SLX4IP: variants seen among roughly 807,000 people sequenced by gnomAD.
SLX4IP encodes SLX4 interacting protein.
Under a neutral mutation model 32.9 loss-of-function variants are expected in SLX4IP, and 34 were observed. The observed-to-expected ratio is 1.03, with a 90% CI of 0.79 to 1.38. The LOEUF (loss-of-function observed/expected upper bound fraction) is 1.38, where lower values mean the gene tolerates loss of function less well. Ranked by LOEUF, SLX4IP falls within the 40% of genes most tolerant of loss-of-function variation. The pLI is 0.00. For missense variants in SLX4IP, 444 were observed against 479.0 expected (o/e 0.93, Z 0.68); for synonymous variants, 172 against 171.7 (o/e 1.00, Z -0.01).
At chr20:10,547,805 TA>T (rs2066177500) in intron 2 of SLX4IP, among the ~76,000 whole-genome samples, 1 of 152,162 alleles carries the variant, frequency 6.6e-6, no homozygotes, top group Non-Finnish European at 1.5e-5. Flanking sequence ...TGTTTTCACT[TA>T]ACAAACACTC....
Position 10,624,132 on chromosome 20 carries a change from A to G in SLX4IP, c.*753A>G, listed in dbSNP as rs1328062041. 1 of 152,214 alleles carries G rather than the reference A, an allele frequency of 6.6e-6. No individual in the cohort carries two copies. Among genetic ancestry groups the G allele is most frequent in the East Asian group, 1.9e-4 (1 of 5,188 alleles). 9.4% of individuals were successfully genotyped at this position (152,214 alleles called of 1,614,324 possible). On this transcript the variant is annotated 3_prime_UTR_variant, in exon 8 of 8. Transcript: ENST00000334534. ...GTCACTCTCTTCCGGGTTCTACAGTATGGCAGCCATGGCACCCATGAAGGT... is the reference window on the plus strand; with the variant it reads ...GTCACTCTCTTCCGGGTTCTACAGTGTGGCAGCCATGGCACCCATGAAGGT...
chr20:10,620,786 ACCT>A (rs1395744533), intron 6 of SLX4IP, among the ~76,000 whole-genome samples: 1 of 152,118 alleles, frequency 6.6e-6, no homozygotes, highest in Admixed American at 6.5e-5. Context: ...CGATCTCCTG[ACCT>A]CGTGATCTGG....
chr20:10,604,817 G>A (rs1035789960), intron 6 of SLX4IP, among the ~76,000 whole-genome samples: 100 of 152,230 alleles, frequency 6.6e-4, no homozygotes, highest in African/African-American at 2.3e-3. Flanking sequence ...TATGAAATGA[G>A]TCATTGTATT....
At chr20:10,621,223 A>G (rs1170664388) in intron 6 of SLX4IP, 91 bp from the exon 7 acceptor site, 3 of 1,130,676 alleles carry the variant, frequency 2.7e-6, no homozygotes, top group African/African-American at 1.5e-5. Context: ...ACAAAAATAA[A>G]TGTGTTCATT....
chr20:10,584,487 T>G (rs1238497142), intron 4 of SLX4IP, among the ~76,000 whole-genome samples: 5 of 152,246 alleles, frequency 3.3e-5, no homozygotes, highest in African/African-American at 1.2e-4. Flanking sequence ...CTCTCACTAC[T>G]AATTTCATTA....
chr20:10,503,038 T>C (rs2065732422), intron 2 of SLX4IP, among the ~76,000 whole-genome samples: 1 of 152,194 alleles, frequency 6.6e-6, no homozygotes, highest in Non-Finnish European at 1.5e-5. Context: ...GTTCCTCCTC[T>C]AGTTGTAGTG....
chr20:10,623,156 C>T lies in SLX4IP; in HGVS notation c.1004C>T (p.Pro335Leu). The T allele has an allele frequency of 3.1e-6, 5 of 1,614,178 alleles. No homozygotes were observed. Among genetic ancestry groups the T allele is most frequent in the Non-Finnish European group, 4.2e-6 (5 of 1,180,030 alleles). The change falls in exon 8 of 8, where the codon CCA becomes CTA. Residue 335 changes from proline to leucine, a missense_variant. Transcript: ENST00000334534. ...AAAAGCAAAGCTGTCAGGGTTTTGC[C>T]AGCTTCAGAGTTGTCAGATCCAGGG... is the stretch of plus-strand genomic sequence containing the variant. ...VEKSKAVRVL[P>L]ASELSDPGLL...
Position 10,527,653 on chromosome 20 carries a change from T to TG in SLX4IP, c.28-28574dup, listed in dbSNP as rs1298917249. 4.6e-5 allele frequency among the ~76,000 whole-genome samples: 7 copies of TG among 152,322 alleles called. No homozygotes were observed. In the East Asian group the frequency reaches 1.3e-3, roughly 29 times the overall value. On this transcript the variant is annotated intron_variant, in intron 2 of 7. Coordinates refer to ENST00000334534, the MANE Select transcript of SLX4IP (RefSeq NM_001009608.3). ...TTGACTACACTCAAAATTATTTCTCTGGGGTATTCTTACAAAGCTCTCTTG... is the reference window on the plus strand; with the variant it reads ...TTGACTACACTCAAAATTATTTCTCTGGGGGTATTCTTACAAAGCTCTCTTG...
intron 4 of SLX4IP, among the ~76,000 whole-genome samples, chr20:10,594,051 C>T (rs889052441): frequency 1.3e-5 from 2 of 152,128 alleles, no homozygotes; most frequent in African/African-American, 4.8e-5. Flanking sequence ...GAGCTGTGCT[C>T]ACATGTTTAG....
At chr20:10,605,320 A>G (rs2066893124) in intron 6 of SLX4IP, among the ~76,000 whole-genome samples, 1 of 152,154 alleles carries the variant, frequency 6.6e-6, no homozygotes, top group Admixed American at 6.5e-5. Context: ...TATACTGGGA[A>G]CTCTGGTAGG....
intron 2 of SLX4IP, among the ~76,000 whole-genome samples, chr20:10,508,171 C>T (rs1445126559): frequency 6.6e-6 from 1 of 152,192 alleles, no homozygotes; most frequent in East Asian, 1.9e-4. Flanking sequence ...CCAGTGCTCA[C>T]CTGGCCGGAG....
At chr20:10,479,438 C>A (rs553946483) in intron 2 of SLX4IP, among the ~76,000 whole-genome samples, 1 of 149,734 alleles carries the variant, frequency 6.7e-6, no homozygotes, top group Non-Finnish European at 1.5e-5. Context: ...CTGCAACCTC[C>A]GCCTCCTGGG....
At chr20:10,518,032 G>T (rs2065864342) in intron 2 of SLX4IP, among the ~76,000 whole-genome samples, 1 of 152,128 alleles carries the variant, frequency 6.6e-6, no homozygotes, top group Non-Finnish European at 1.5e-5. Flanking sequence ...CAGGGGGAGG[G>T]AGAGCCTCAG....
At position 10,444,633 on chromosome 20, in the gene SLX4IP, C is replaced by T. The variant is rs140166625; in HGVS notation, c.-30+9180C>T. 5.1e-4 allele frequency among the ~76,000 whole-genome samples: 77 copies of T among 152,300 alleles called. 1 individual carries two copies. Among genetic ancestry groups the T allele is most frequent in the African/African-American group, 1.8e-3 (73 of 41,568 alleles). ...CCTCGTGATCCGCCCGCCTCAGCCT[C>T]CCAAAGTGCTGGGATTACAGACATG... On this transcript the variant is annotated intron_variant, in intron 1 of 7. Coordinates refer to ENST00000334534, the MANE Select transcript of SLX4IP (RefSeq NM_001009608.3).
intron 2 of SLX4IP, among the ~76,000 whole-genome samples, chr20:10,499,031 C>T (rs2065694039): frequency 6.6e-6 from 1 of 152,074 alleles, no homozygotes; most frequent in Non-Finnish European, 1.5e-5. Context: ...TCTCTACTCC[C>T]TACTTTGTAT....
chr20:10,459,347 G>C (rs1245515716), intron 2 of SLX4IP, among the ~76,000 whole-genome samples: 1 of 152,122 alleles, frequency 6.6e-6, no homozygotes, highest in Non-Finnish European at 1.5e-5. Flanking sequence ...CTTTTGCTGT[G>C]CAGAAGCTCT....
rs375195866 is a variant in SLX4IP at position 10,623,219 on chromosome 20, A to G, written c.1067A>G (p.Lys356Arg). Residue 356 changes from lysine to arginine, a missense_variant, in exon 8 of 8, where the codon AAG (lysine) becomes AGG (arginine). Transcript: ENST00000334534. ...CAAGATTTGGCAAAAACCACGTCTA[A>G]GGAAGAGTTGCATGTTTTGGAAAGT... ...LKQDLAKTTS[K>R]EELHVLESLS... is the part of the protein sequence containing the mutation. 11 of 1,614,112 alleles carry G rather than the reference A, an allele frequency of 6.8e-6. No homozygotes were observed. The highest frequency in any genetic ancestry group is 1.3e-5 in the African/African-American group (1 of 74,936).
intron 2 of SLX4IP, among the ~76,000 whole-genome samples, chr20:10,548,219 C>T (rs1419092837): frequency 6.6e-6 from 1 of 152,076 alleles, no homozygotes; most frequent in Non-Finnish European, 1.5e-5. Context: ...TCCTATTAGT[C>T]ATCAAAGGGC....
At chr20:10,549,425 G>A (rs919466740) in intron 2 of SLX4IP, among the ~76,000 whole-genome samples, 1 of 152,190 alleles carries the variant, frequency 6.6e-6, no homozygotes, top group Non-Finnish European at 1.5e-5. Context: ...GTGGGACCCT[G>A]TTGAGAATCC....
Sources: gnomAD v4.1 joint callset for allele counts (sites outside exome capture counted in the v4.1 genomes callset) on GRCh38, gnomAD v4.1.1 for gene constraint, MANE v1.5 for transcripts, NCBI Gene and HGNC (gene_info 2026-07-23, HGNC 2026-07-21) for gene names.